ZNF91: variants seen among roughly 807,000 people sequenced by gnomAD.
ZNF91 encodes zinc finger protein 91, also known as zinc finger protein 91 (HPF7, HTF10).
Under a neutral mutation model 12.6 loss-of-function variants are expected in ZNF91, and 7 were observed. The observed-to-expected ratio is 0.55, with a 90% CI of 0.31 to 1.04. ZNF91 has a LOEUF of 1.04. Ranked by LOEUF, ZNF91 falls within the 50% of genes least tolerant of loss-of-function variation. The pLI, the probability that ZNF91 is intolerant of heterozygous loss-of-function variation, is 0.05. For missense variants in ZNF91, 1,217 were observed against 1,385.4 expected, an observed-to-expected ratio of 0.88 and a Z score of 1.93; for synonymous variants, 453 against 462.6, an observed-to-expected ratio of 0.98 and a Z score of 0.27.
intron 3 of ZNF91, among the ~76,000 whole-genome samples, chr19:23,372,807 T>C (rs1309317105): frequency 1.3e-5 from 2 of 152,218 alleles, no homozygotes; most frequent in Non-Finnish European, 2.9e-5. Flanking sequence ...CGGTTCTGCC[T>C]ATGTAGAAAC....
At chr19:23,340,487 T>C (rs560933842) in intron 3 of ZNF91, among the ~76,000 whole-genome samples, 9 of 151,594 alleles carry the variant, frequency 5.9e-5, no homozygotes, top group East Asian at 3.9e-4. Context: ...CGGGAAGAAA[T>C]AGAGTACCTG....
In ZNF91 at chr19:23,362,322, A is replaced by C. The variant is rs986689981; in HGVS notation, c.657T>G (p.Phe219Leu). Residue 219 changes from phenylalanine to leucine, a missense_variant, in exon 4 of 4, where the codon TTT becomes TTG. Phe to Leu is a conservative substitution (Grantham distance 22). This residue lies in a region of ZNF91 where 726 missense variants were observed against 895.5 expected (regional missense o/e 0.81). Coordinates refer to ENST00000300619, the MANE Select transcript of ZNF91 (RefSeq NM_003430.4). ...SCKCKECEKT[F>L]HWSSTLTNHK... ...GATTAGTAAGGGTTGAGGACCAATG[A>C]AAGGTTTTTTCACATTCTTTACATT... The C allele has an allele frequency of 1.9e-6, 3 of 1,613,480 alleles. No homozygotes were observed. Among genetic ancestry groups the C allele is most frequent in the Non-Finnish European group, 2.5e-6 (3 of 1,179,830 alleles).
In ZNF91 at chr19:23,360,724, T is replaced by G. The variant is rs1968704849; in HGVS notation, c.2255A>C (p.Asn752Thr). ...ATGTTTAGTAAGGCTTGAGGACCAGTTAAATGCTTTGCCACATTCTTCACA... is the reference window on the plus strand; with the variant it reads ...ATGTTTAGTAAGGCTTGAGGACCAGGTAAATGCTTTGCCACATTCTTCACA... The part of the protein sequence containing the change: ...YKCEECGKAF[N>T]WSSSLTKHKR... Residue 752 changes from asparagine to threonine, a missense_variant, in exon 4 of 4, where the codon AAC becomes ACC. By Grantham distance (65) the Asn-to-Thr change is moderately conservative. Around this residue, in one of 2 missense-constraint regions of ZNF91, gnomAD observed 726 missense variants for 895.5 expected, o/e 0.81. Transcript: ENST00000300619. The G allele has an allele frequency of 6.2e-7, 1 of 1,613,120 alleles. No homozygotes were observed. The highest frequency in any genetic ancestry group is 8.5e-7 in the Non-Finnish European group (1 of 1,179,656).
intron 1 of ZNF91, among the ~76,000 whole-genome samples, chr19:23,316,669 G>A (rs888138291): frequency 4.6e-5 from 7 of 152,164 alleles, no homozygotes; most frequent in Admixed American, 6.5e-5. Flanking sequence ...TTGCAATAAC[G>A]ACTCTCATGC....
intron 3 of ZNF91, among the ~76,000 whole-genome samples, chr19:23,373,346 T>TATATATATATATATATA (rs1491403502): frequency 1.2e-5 from 1 of 85,802 alleles, no homozygotes; most frequent in African/African-American, 3.9e-5. Flanking sequence ...TCATGTAATC[T>TATATATATATATATATA]TATATATATA....
At chr19:23,388,848 T>TG (rs35187405) in intron 1 of ZNF91, among the ~76,000 whole-genome samples, 45,464 of 151,808 alleles carry the variant, frequency 0.3, 7,280 homozygotes, top group African/African-American at 0.41. Flanking sequence ...CACTCCAGCC[T>TG]GGTGACAAGA....
At chr19:23,352,206 G>A (rs1344585212) in intron 3 of ZNF91, among the ~76,000 whole-genome samples, 2 of 152,178 alleles carry the variant, frequency 1.3e-5, no homozygotes, top group Non-Finnish European at 2.9e-5. Context: ...TGGGGGCAAA[G>A]TGAAAGTGAG....
rs1203874295 is a variant in ZNF91, at chr19:23,368,550, C to CTATATA, written c.253+5191_253+5192insTATATA. 4.4e-5 allele frequency among the ~76,000 whole-genome samples: 3 copies of CTATATA among 68,414 alleles called. No individual in the cohort carries two copies. In the South Asian group the frequency reaches 1.3e-3, roughly 31 times the overall value. 44.9% of individuals were successfully genotyped at this position (68,414 alleles called of 152,430 possible). On this transcript the variant is annotated intron_variant, in intron 3 of 3. Transcript: ENST00000300619. ...TCTCTCTCTCTCTCTCTCTCTCTCT[C>CTATATA]TCTCTCTCTCTCTATATATATATGA...
chr19:23,389,402 C>CAAAAA (rs34173990), intron 1 of ZNF91, among the ~76,000 whole-genome samples: 1 of 111,866 alleles, frequency 8.9e-6, no homozygotes. Context: ...AAGTTTTTGG[C>CAAAAA]AAAAAAAAAA....
At chr19:23,368,090 A>G (rs1380463602) in intron 3 of ZNF91, among the ~76,000 whole-genome samples, 1 of 151,938 alleles carries the variant, frequency 6.6e-6, no homozygotes, top group African/African-American at 2.4e-5. Context: ...ATGTATTTTT[A>G]GTAGAGACAG....
At position 23,361,404 on chromosome 19, in the gene ZNF91, T is replaced by C. The variant is rs1247019151; in HGVS notation, c.1575A>G (p.Lys525=). The C allele has an allele frequency of 6.2e-7, 1 of 1,613,736 alleles. No homozygotes were observed. The highest frequency in any genetic ancestry group is 8.5e-7 in the Non-Finnish European group (1 of 1,179,796). ...TAAGGGTTAAGGATTGTCTAAAAGCTTTGCCACATTCTTCAAATTTGTAGG... is the reference window on the plus strand; with the variant it reads ...TAAGGGTTAAGGATTGTCTAAAAGCCTTGCCACATTCTTCAAATTTGTAGG... The part of the protein sequence containing the change: ...EKPYKFEECG[K]AFRQSLTLNK... The change falls in exon 4 of 4, where the codon AAA becomes AAG. Residue 525 remains lysine (K), a synonymous_variant. Transcript: ENST00000300619.
At chr19:23,373,002 G>A (rs1407924877) in intron 3 of ZNF91, among the ~76,000 whole-genome samples, 1 of 152,086 alleles carries the variant, frequency 6.6e-6, no homozygotes, top group Non-Finnish European at 1.5e-5. Context: ...AACTATCCAA[G>A]CCCCTTTTAA....
At chr19:23,382,119 A>C (rs1401643734) in intron 1 of ZNF91, among the ~76,000 whole-genome samples, 1 of 152,080 alleles carries the variant, frequency 6.6e-6, no homozygotes, top group East Asian at 1.9e-4. Context: ...ATTTCAAAAA[A>C]AGGGAGATAA....
upstream of ZNF91, among the ~76,000 whole-genome samples, chr19:23,314,530 G>C (rs911602139): frequency 6.6e-6 from 1 of 152,152 alleles, no homozygotes; most frequent in Non-Finnish European, 1.5e-5. Flanking sequence ...CACAGTGCGA[G>C]TTGTGACATA....
chr19:23,331,797 G>C (rs777977946), intron 1 of ZNF91, among the ~76,000 whole-genome samples: 3 of 152,164 alleles, frequency 2.0e-5, no homozygotes, highest in Non-Finnish European at 4.4e-5. Context: ...TGGAGAAGTG[G>C]AGTGGTTAAC....
At chr19:23,315,400 C>A (rs1178245309), upstream of ZNF91, among the ~76,000 whole-genome samples, 6 of 152,118 alleles carry the variant, frequency 3.9e-5, no homozygotes, top group Non-Finnish European at 7.3e-5. Context: ...TATCTCTGGG[C>A]CAAGCAGCTA....
chr19:23,368,889 G>A (rs1969139010), intron 3 of ZNF91, among the ~76,000 whole-genome samples: 1 of 151,426 alleles, frequency 6.6e-6, no homozygotes, highest in Non-Finnish European at 1.5e-5. Flanking sequence ...CATTTGAAAG[G>A]ACACACAAAA....
intron 3 of ZNF91, among the ~76,000 whole-genome samples, chr19:23,351,423 G>A (rs1968363794): frequency 6.6e-6 from 1 of 152,090 alleles, no homozygotes; most frequent in Admixed American, 6.5e-5. Flanking sequence ...TATGTAAGAA[G>A]GCTGGATGGA....
At chr19:23,335,984 C>G (rs2145876049), downstream of ZNF91, among the ~76,000 whole-genome samples, 2 of 152,262 alleles carry the variant, frequency 1.3e-5, no homozygotes, top group Middle Eastern at 3.4e-3. Flanking sequence ...TAACATGTTC[C>G]ATTAAACTCT....
Sources: allele counts gnomAD v4.1 joint callset (sites outside exome capture counted in the v4.1 genomes callset), GRCh38; gene constraint gnomAD v4.1.1; regional missense constraint gnomAD v4.1.1; transcripts MANE v1.5; gene names NCBI Gene and HGNC (gene_info 2026-07-23, HGNC 2026-07-21).